EYS: variants seen among roughly 807,000 people sequenced by gnomAD.
EYS encodes EGF-like photoreceptor maintenance factor, also known as protein eyes shut homolog.
A neutral mutation model predicts 282.1 loss-of-function variants in EYS; 250 were observed. The ratio of observed to expected loss-of-function variants is 0.89; its 90% CI spans 0.80 to 0.98. The LOEUF is 0.98. Among genes scored for constraint, EYS ranks in the 50% least tolerant of loss-of-function variants. The pLI, the probability that EYS is intolerant of heterozygous loss-of-function variation, is 0.00. For synonymous variants in EYS, 1,355 were observed against 1,282.9 expected, an observed-to-expected ratio of 1.06 and a Z score of -1.20; for missense variants, 4,016 against 3,709.0, an observed-to-expected ratio of 1.08 and a Z score of -2.15.
At chr6:64,661,985 A>T (rs1241460946) in intron 22 of EYS, among the ~76,000 whole-genome samples, 1 of 151,922 alleles carries the variant, frequency 6.6e-6, no homozygotes, top group African/African-American at 2.4e-5. Context: ...AACCAACCCA[A>T]ATGTCCAACA....
intron 30 of EYS, among the ~76,000 whole-genome samples, chr6:64,301,397 T>C (rs1769228213): frequency 6.6e-6 from 1 of 152,206 alleles, no homozygotes; most frequent in African/African-American, 2.4e-5. Flanking sequence ...CAAGATTGCA[T>C]AGACCCAGTC....
intron 33 of EYS, among the ~76,000 whole-genome samples, chr6:64,037,990 T>C (rs1366094405): frequency 1.3e-5 from 2 of 152,208 alleles, no homozygotes; most frequent in African/African-American, 4.8e-5. Context: ...TGAATAAACA[T>C]CCAAAATGAA....
chr6:63,783,793 G>A (rs1224505076), intron 39 of EYS, among the ~76,000 whole-genome samples: 1 of 152,178 alleles, frequency 6.6e-6, no homozygotes, highest in Admixed American at 6.5e-5. Context: ...GACATACAGA[G>A]AGGCAGTGGC....
At chr6:65,326,596 AT>A (rs1769629127) in intron 11 of EYS, among the ~76,000 whole-genome samples, 1 of 151,460 alleles carries the variant, frequency 6.6e-6, no homozygotes, top group Non-Finnish European at 1.5e-5. Flanking sequence ...AAAACAAAAA[AT>A]TTATTTTTGT....
intron 2 of EYS, among the ~76,000 whole-genome samples, chr6:65,519,685 A>AATATATATATATATATATAT (rs1767275369): frequency 1.7e-5 from 1 of 59,282 alleles, no homozygotes; most frequent in Non-Finnish European, 3.1e-5. Context: ...AACTATAATA[A>AATATATATATATATATATAT]CTATATATAT....
intron 22 of EYS, among the ~76,000 whole-genome samples, chr6:64,706,360 T>C (rs1283065825): frequency 1.1e-5 from 1 of 88,438 alleles, no homozygotes; most frequent in Non-Finnish European, 2.9e-5. Context: ...ATAAAAATTC[T>C]AGAAGATGAC....
chr6:65,342,393 G>A (rs56170954), intron 10 of EYS, among the ~76,000 whole-genome samples: 3 of 150,936 alleles, frequency 2.0e-5, no homozygotes, highest in Admixed American at 6.6e-5. Flanking sequence ...TGATGTATTA[G>A]AATGTTTTAT....
At chr6:64,259,501 G>A (rs1007440186) in intron 30 of EYS, among the ~76,000 whole-genome samples, 1 of 151,960 alleles carries the variant, frequency 6.6e-6, no homozygotes. Context: ...CCTTTGATAT[G>A]TAATCTTGGA....
chr6:64,875,955 GCTT>G (rs1318129428), intron 19 of EYS, among the ~76,000 whole-genome samples: 3 of 151,682 alleles, frequency 2.0e-5, no homozygotes, highest in African/African-American at 4.8e-5. Flanking sequence ...AAAATTAACT[GCTT>G]CAAGATTATT....
At chr6:64,751,307 T>G (rs2149969796) in intron 22 of EYS, among the ~76,000 whole-genome samples, 1 of 152,306 alleles carries the variant, frequency 6.6e-6, no homozygotes, top group East Asian at 1.9e-4. Flanking sequence ...CACACTTAGA[T>G]ATCTCTCCAG....
intron 5 of EYS, among the ~76,000 whole-genome samples, chr6:65,426,236 A>G (rs535690093): frequency 2.5e-4 from 38 of 152,132 alleles, no homozygotes; most frequent in Middle Eastern, 6.8e-3. Flanking sequence ...TTGGCCTCCT[A>G]AAGTGATGAG....
intron 2 of EYS, among the ~76,000 whole-genome samples, chr6:65,522,449 T>C (rs1379749696): frequency 6.6e-6 from 1 of 152,058 alleles, no homozygotes; most frequent in East Asian, 1.9e-4. Context: ...TTAAAAATAA[T>C]AGTGAAAGTA....
At chr6:64,351,194 T>C (rs1044849906) in intron 29 of EYS, among the ~76,000 whole-genome samples, 4 of 151,692 alleles carry the variant, frequency 2.6e-5, no homozygotes, top group South Asian at 2.1e-4. Context: ...GAGATACTGG[T>C]ATAACAATCT....
At chr6:63,751,157 A>G (rs187215051) in intron 41 of EYS, among the ~76,000 whole-genome samples, 155 of 152,250 alleles carry the variant, frequency 1.0e-3, no homozygotes, top group African/African-American at 3.5e-3. Context: ...GTTCTTTAAG[A>G]TGGACTCAAA....
At chr6:64,798,282 TA>T (rs1774421943) in intron 22 of EYS, among the ~76,000 whole-genome samples, 1 of 151,932 alleles carries the variant, frequency 6.6e-6, no homozygotes, top group South Asian at 2.1e-4. Context: ...TTCTTTTTCA[TA>T]AAGATGTTAA....
At chr6:64,098,603 CTTTTTTTTT>C (rs544031589) in intron 31 of EYS, among the ~76,000 whole-genome samples, 183 of 139,982 alleles carry the variant, frequency 1.3e-3, no homozygotes, top group Admixed American at 0.011. Context: ...TTCTTTCTTT[CTTTTTTTTT>C]TTTTTTGAGA....
intron 12 of EYS, among the ~76,000 whole-genome samples, chr6:65,204,152 G>T (rs1022448078): frequency 6.6e-6 from 1 of 151,728 alleles, no homozygotes; most frequent in African/African-American, 2.4e-5. Context: ...AAATAATTGA[G>T]GAAAATTTCC....
Position 64,846,070 on chromosome 6 carries a change from G to A in EYS, c.2993-23248C>T, listed in dbSNP as rs763032698. ...CTTATAGAGGCAGTTCCTGTAAATC[G>A]ATTTCCTTGCTCAGAGACTTTCAAT... is the stretch of plus-strand genomic sequence containing the variant. On this transcript the variant is annotated intron_variant, in intron 19 of 42. Transcript: ENST00000503581. 3.9e-5 allele frequency among the ~76,000 whole-genome samples: 6 copies of A among 151,950 alleles called. No homozygotes were observed. In the East Asian group the frequency reaches 7.7e-4, roughly 20 times the overall value.
intron 36 of EYS, among the ~76,000 whole-genome samples, chr6:63,856,579 T>G (rs1772398039): frequency 1.3e-5 from 2 of 152,156 alleles, no homozygotes; most frequent in African/African-American, 2.4e-5. Flanking sequence ...GGAATTGAGA[T>G]GTAAAAATCT....
Sources: allele counts gnomAD v4.1 joint callset (sites outside exome capture counted in the v4.1 genomes callset), GRCh38; gene constraint gnomAD v4.1.1; transcripts MANE v1.5; gene names NCBI Gene and HGNC (gene_info 2026-07-23, HGNC 2026-07-21).